The following ANO10 variants were observed in gnomAD, a reference collection of about 807,000 sequenced individuals.
ANO10 encodes the protein anoctamin 10, also known as anoctamin-10.
ANO10 carries 77 observed loss-of-function variants against 74.7 expected under a neutral mutation model. That is an observed-to-expected ratio of 1.03 (90% confidence interval 0.86 to 1.25). The LOEUF (loss-of-function observed/expected upper bound fraction) is 1.25, where lower values mean the gene tolerates loss of function less well. Ranked by LOEUF, ANO10 falls within the 50% of genes most tolerant of loss-of-function variation. The pLI, the probability that ANO10 is intolerant of heterozygous loss-of-function variation, is 0.00. For synonymous variants in ANO10, 279 were observed against 284.9 expected (o/e 0.98, Z 0.21); for missense variants, 721 against 778.1 (o/e 0.93, Z 0.87).
chr3:43,491,360 A>G (rs936055071), intron 11 of ANO10, among the ~76,000 whole-genome samples: 2 of 152,102 alleles, frequency 1.3e-5, no homozygotes, highest in South Asian at 2.1e-4. Context: ...CTAAAAATGC[A>G]AAAATTAGCC....
chr3:43,366,709 G>A lies in ANO10; in HGVS notation c.*197C>T. ...AAGGAGCAGACAGGGTGGGGCTGGGGGAACTGCCAAGGATCCCGAGCCAAG... is the reference window on the plus strand; with the variant it reads ...AAGGAGCAGACAGGGTGGGGCTGGGAGAACTGCCAAGGATCCCGAGCCAAG... On this transcript the variant is annotated 3_prime_UTR_variant, in exon 13 of 13. Transcript: ENST00000292246. 1 of 640,678 alleles carries A rather than the reference G, an allele frequency of 1.6e-6. No individual in the cohort carries two copies. Among genetic ancestry groups the A allele is most frequent in the South Asian group, 1.8e-5 (1 of 56,366 alleles). 39.7% of individuals were successfully genotyped at this position (640,678 alleles called of 1,614,324 possible). A position where few individuals can be genotyped will look rare whatever the true frequency, so the allele number is the denominator to read the frequency against.
intron 7 of ANO10, among the ~76,000 whole-genome samples, chr3:43,573,705 GC>G: frequency 6.6e-6 from 1 of 152,108 alleles, no homozygotes; most frequent in East Asian, 1.9e-4. Flanking sequence ...CGACATGTCA[GC>G]TTTTAACAAA....
intron 11 of ANO10, among the ~76,000 whole-genome samples, chr3:43,457,138 A>G (rs769800758): frequency 1.3e-5 from 2 of 152,236 alleles, no homozygotes; most frequent in Admixed American, 6.5e-5. Context: ...GTCAGGGAGG[A>G]AACTAGATAA....
chr3:43,589,403 T>C (rs1195918214), intron 4 of ANO10, among the ~76,000 whole-genome samples: 1 of 152,086 alleles, frequency 6.6e-6, no homozygotes, highest in East Asian at 1.9e-4. Context: ...ACTGAAGCAA[T>C]CGGCTGGGCG....
In ANO10 at chr3:43,521,613, A is replaced by G. The variant is rs74710544; in HGVS notation, c.1797+28107T>C. 2.7e-3 allele frequency among the ~76,000 whole-genome samples: 404 copies of G among 152,328 alleles called. 1 individual carries two copies. The highest frequency in any genetic ancestry group is 4.7e-3 in the Non-Finnish European group (320 of 68,016). On this transcript the variant is annotated intron_variant, in intron 11 of 12. Coordinates refer to ENST00000292246, the MANE Select transcript of ANO10 (RefSeq NM_018075.5). ...AAGGAGGTACTACTTCACATCCACTAGGTTAGCTATAATTTAGAAAATGGA... is the reference window on the plus strand; with the variant it reads ...AAGGAGGTACTACTTCACATCCACTGGGTTAGCTATAATTTAGAAAATGGA...
intron 11 of ANO10, among the ~76,000 whole-genome samples, chr3:43,545,522 T>G (rs2079150749): frequency 6.6e-6 from 1 of 152,066 alleles, no homozygotes; most frequent in Non-Finnish European, 1.5e-5. Context: ...CGCACCACCA[T>G]GCCCGGCTAA....
intron 11 of ANO10, among the ~76,000 whole-genome samples, chr3:43,441,922 CA>C (rs1243253116): frequency 6.6e-6 from 1 of 151,758 alleles, no homozygotes; most frequent in Non-Finnish European, 1.5e-5. Context: ...TCAATTGATG[CA>C]AAAAAAGTAT....
At chr3:43,632,622 A>G (rs1321777918) in intron 1 of ANO10, among the ~76,000 whole-genome samples, 1 of 152,280 alleles carries the variant, frequency 6.6e-6, no homozygotes, top group South Asian at 2.1e-4. Flanking sequence ...AAATTGGAGT[A>G]TGCCATCTGT....
chr3:43,457,949 C>T (rs2075209753), intron 11 of ANO10, among the ~76,000 whole-genome samples: 1 of 152,040 alleles, frequency 6.6e-6, no homozygotes, highest in Non-Finnish European at 1.5e-5. Context: ...CCACCCCCTA[C>T]CCTGTTCCTA....
chr3:43,557,243 A>C (rs1252516774), intron 9 of ANO10, among the ~76,000 whole-genome samples: 1 of 152,168 alleles, frequency 6.6e-6, no homozygotes, highest in African/African-American at 2.4e-5. Flanking sequence ...ACCAGACGTC[A>C]ACACATCCTG....
chr3:43,690,581 G>A (rs1399672141), intron 1 of ANO10: 1 of 190,472 alleles, frequency 5.3e-6, no homozygotes, highest in Non-Finnish European at 1.1e-5. Flanking sequence ...CCATCTATCG[G>A]ACACTAGCTA....
At chr3:43,670,822 C>T (rs916697111) in intron 1 of ANO10, among the ~76,000 whole-genome samples, 1 of 152,296 alleles carries the variant, frequency 6.6e-6, no homozygotes, top group Middle Eastern at 3.4e-3. Flanking sequence ...CTAACTCTTT[C>T]AACTGCCCTA....
chr3:43,393,160 C>A (rs34557672), intron 12 of ANO10, among the ~76,000 whole-genome samples: 24,668 of 152,190 alleles, frequency 0.16, 2,500 homozygotes, highest in Non-Finnish European at 0.23. Context: ...GAATTCTACA[C>A]TCACATAACC....
chr3:43,388,083 T>A (rs1306611486), intron 12 of ANO10, among the ~76,000 whole-genome samples: 4 of 152,194 alleles, frequency 2.6e-5, no homozygotes, highest in African/African-American at 9.7e-5. Flanking sequence ...CACAAACATG[T>A]GCACTCTAGG....
chr3:43,623,309 T>G (rs1437262802), upstream of ANO10, among the ~76,000 whole-genome samples: 1 of 152,260 alleles, frequency 6.6e-6, no homozygotes, highest in Non-Finnish European at 1.5e-5. Flanking sequence ...ATTTTATTAT[T>G]ATTCATTGTT....
chr3:43,500,511 T>A (rs149483231), intron 11 of ANO10, among the ~76,000 whole-genome samples: 1 of 152,240 alleles, frequency 6.6e-6, no homozygotes, highest in Non-Finnish European at 1.5e-5. Flanking sequence ...TTTGTCCACA[T>A]GTTGACGATG....
Position 43,386,219 on chromosome 3 carries a change from G to T in ANO10, c.1915-19245C>A, listed in dbSNP as rs148098307. 2.9e-3 allele frequency among the ~76,000 whole-genome samples: 442 copies of T among 152,242 alleles called. 1 individual carries two copies. The highest frequency in any genetic ancestry group is 0.01 in the African/African-American group (426 of 41,538). On this transcript the variant is annotated intron_variant, in intron 12 of 12. Transcript: ENST00000292246. ...TAAATCATTTTTGTTTGAAGGAAGT[G>T]CCTCTGCTTCTGGCTGATGGCCACT... is the stretch of plus-strand genomic sequence containing the variant.
At chr3:43,617,197 C>A (rs148698374) in intron 1 of ANO10, among the ~76,000 whole-genome samples, 1 of 150,194 alleles carries the variant, frequency 6.7e-6, no homozygotes, top group East Asian at 1.9e-4. Context: ...AAATACCAGA[C>A]AGGGACATGA....
At chr3:43,534,634 G>A (rs375214333) in intron 11 of ANO10, among the ~76,000 whole-genome samples, 11 of 152,290 alleles carry the variant, frequency 7.2e-5, no homozygotes, top group African/African-American at 2.6e-4. Flanking sequence ...AAGGGTGAAA[G>A]CCACCTCTCT....
Sources: gnomAD v4.1 joint callset for allele counts (sites outside exome capture counted in the v4.1 genomes callset) on GRCh38, gnomAD v4.1.1 for gene constraint, MANE v1.5 for transcripts, NCBI Gene and HGNC (gene_info 2026-07-23, HGNC 2026-07-21) for gene names.